Variants in LRRC8C observed in about 807,000 individuals in gnomAD.
LRRC8C encodes leucine rich repeat containing 8 VRAC subunit C, also known as volume-regulated anion channel subunit LRRC8C.
A neutral mutation model predicts 55.3 loss-of-function variants in LRRC8C; 20 were observed. The ratio of observed to expected loss-of-function variants is 0.36; its 90% confidence interval spans 0.25 to 0.53. The LOEUF (loss-of-function observed/expected upper bound fraction) is 0.53. LRRC8C is among the 20% of genes least tolerant of loss of function. LRRC8C has a pLI of 0.92. For synonymous variants in LRRC8C, 376 were observed against 360.7 expected, an observed-to-expected ratio of 1.04 and a Z score of -0.48; for missense variants, 659 against 951.4, an observed-to-expected ratio of 0.69 and a Z score of 4.04.
intron 1 of LRRC8C, among the ~76,000 whole-genome samples, chr1:89,675,980 A>G (rs1485030668): frequency 6.6e-6 from 1 of 152,240 alleles, no homozygotes; most frequent in Non-Finnish European, 1.5e-5. Context: ...TTGAAGGACT[A>G]TTAGATCTCA....
intron 1 of LRRC8C, among the ~76,000 whole-genome samples, chr1:89,663,908 C>A (rs772970365): frequency 1.3e-4 from 20 of 152,144 alleles, no homozygotes; most frequent in Non-Finnish European, 2.4e-4. Context: ...TGTTTGTTGG[C>A]TGCATAAATG....
intron 1 of LRRC8C, among the ~76,000 whole-genome samples, chr1:89,679,908 A>G (rs1269999851): frequency 1.3e-5 from 2 of 152,200 alleles, no homozygotes; most frequent in Non-Finnish European, 2.9e-5. Flanking sequence ...AATAAGTTTC[A>G]TATTCTTTAG....
rs1656994341 is a variant in LRRC8C, at chr1:89,657,846, C to G, written c.-5+24524C>G. ...TTCAAAAGAAGGGAAAAATTTTAAACCTGAACTGGAGTCATGTACATATTA... is the reference window on the plus strand; with the variant it reads ...TTCAAAAGAAGGGAAAAATTTTAAAGCTGAACTGGAGTCATGTACATATTA... On this transcript the variant is annotated intron_variant, in intron 1 of 2. Coordinates refer to ENST00000370454, the MANE Select transcript of LRRC8C (RefSeq NM_032270.5). 2.0e-5 allele frequency among the ~76,000 whole-genome samples: 3 copies of G among 151,450 alleles called. No homozygotes were observed. In the South Asian group the frequency reaches 6.3e-4, roughly 32 times the overall value.
intron 2 of LRRC8C, among the ~76,000 whole-genome samples, chr1:89,689,949 AAAG>A (rs1025012726): frequency 1.3e-5 from 2 of 152,220 alleles, no homozygotes; most frequent in Admixed American, 1.3e-4. Context: ...TCAAAAAAAA[AAAG>A]AGAGAAATCA....
intron 1 of LRRC8C, among the ~76,000 whole-genome samples, chr1:89,635,159 C>A (rs1288643277): frequency 6.6e-6 from 1 of 151,924 alleles, no homozygotes; most frequent in African/African-American, 2.4e-5. Context: ...ACTTTATTTC[C>A]ATGAAGTTTA....
intron 1 of LRRC8C, among the ~76,000 whole-genome samples, chr1:89,662,390 T>C (rs934099239): frequency 6.6e-6 from 1 of 152,144 alleles, no homozygotes; most frequent in African/African-American, 2.4e-5. Flanking sequence ...GTAAAGATTT[T>C]CGCTTTTTCA....
intron 2 of LRRC8C, among the ~76,000 whole-genome samples, chr1:89,691,443 C>T (rs538695782): frequency 7.2e-5 from 11 of 152,284 alleles, no homozygotes; most frequent in South Asian, 2.1e-4. Flanking sequence ...TGGCATTTTT[C>T]GGAGAGGGTG....
At chr1:89,706,218 C>A in intron 2 of LRRC8C, 1 of 447,456 alleles carries the variant, frequency 2.2e-6, no homozygotes. Context: ...TCCTGAGGCA[C>A]ACTCAGAATT....
At chr1:89,647,531 A>G (rs976825144) in intron 1 of LRRC8C, among the ~76,000 whole-genome samples, 1 of 152,212 alleles carries the variant, frequency 6.6e-6, no homozygotes, top group Admixed American at 6.5e-5. Flanking sequence ...GCACAAAAGC[A>G]TGAAATTGAC....
At chr1:89,619,791 T>TA in the LRRC8C span, among the ~76,000 whole-genome samples, 2 of 152,178 alleles carry the variant, frequency 1.3e-5, no homozygotes, top group South Asian at 4.1e-4. Context: ...ATGCTTACAA[T>TA]ATGTCAGGCT....
chr1:89,670,720 C>T (rs1657391108), intron 1 of LRRC8C, among the ~76,000 whole-genome samples: 1 of 152,068 alleles, frequency 6.6e-6, no homozygotes, highest in Admixed American at 6.5e-5. Flanking sequence ...GTTTATACAG[C>T]AAGGAATTTA....
chr1:89,679,702 A>AGG (rs1657645294), intron 1 of LRRC8C, among the ~76,000 whole-genome samples: 1 of 152,222 alleles, frequency 6.6e-6, no homozygotes, highest in Non-Finnish European at 1.5e-5. Context: ...CGTTTTGATC[A>AGG]GGGCCATTCA....
intron 1 of LRRC8C, among the ~76,000 whole-genome samples, chr1:89,661,554 T>C (rs963136321): frequency 6.6e-6 from 1 of 152,224 alleles, no homozygotes; most frequent in Non-Finnish European, 1.5e-5. Context: ...TGATAGGTTC[T>C]GTTTCTACCA....
chr1:89,636,810 A>G (rs1656295599), intron 1 of LRRC8C, among the ~76,000 whole-genome samples: 1 of 151,890 alleles, frequency 6.6e-6, no homozygotes, highest in Non-Finnish European at 1.5e-5. Flanking sequence ...CACCCGGCCC[A>G]CTCCTAATGC....
At chr1:89,629,608 C>T (rs1656055080), upstream of LRRC8C, 1 of 152,070 alleles carries the variant, frequency 6.6e-6, no homozygotes. Flanking sequence ...AAAGTCAGAA[C>T]CAATACAAGA....
At chr1:89,654,874 C>CTTTT (rs3068067) in intron 1 of LRRC8C, among the ~76,000 whole-genome samples, 34 of 129,312 alleles carry the variant, frequency 2.6e-4, no homozygotes, top group Non-Finnish European at 4.5e-4. Context: ...TTTAGTAAGC[C>CTTTT]TTTTTTTTTT....
the LRRC8C span, among the ~76,000 whole-genome samples, chr1:89,618,805 T>C: frequency 2.6e-5 from 4 of 152,352 alleles, no homozygotes; most frequent in East Asian, 7.7e-4. Flanking sequence ...TTACGAGACC[T>C]TAGTATTTTA....
chr1:89,707,972 A>G (rs1484337971), intron 2 of LRRC8C, among the ~76,000 whole-genome samples: 1 of 151,894 alleles, frequency 6.6e-6, no homozygotes, highest in African/African-American at 2.4e-5. Context: ...CCTTTCCATA[A>G]ATGATTTCAT....
upstream of LRRC8C, among the ~76,000 whole-genome samples, chr1:89,630,178 A>G (rs867959057): frequency 3.3e-5 from 5 of 152,154 alleles, no homozygotes; most frequent in African/African-American, 9.7e-5. Flanking sequence ...CCTTCAAGGA[A>G]CAACTCAGCC....
Sources: gnomAD v4.1 joint callset for allele counts (sites outside exome capture counted in the v4.1 genomes callset) on GRCh38, gnomAD v4.1.1 for gene constraint, MANE v1.5 for transcripts, NCBI Gene and HGNC (gene_info 2026-07-23, HGNC 2026-07-21) for gene names.